The following TTC28 variants were observed in gnomAD, a reference collection of about 807,000 sequenced individuals.
The protein encoded by TTC28 is tetratricopeptide repeat protein 28.
Under a neutral mutation model 198.0 loss-of-function variants are expected in TTC28, and 61 were observed. The observed-to-expected ratio is 0.31, with a 90% confidence interval of 0.25 to 0.38. The LOEUF (loss-of-function observed/expected upper bound fraction) is 0.38. Among genes scored for constraint, TTC28 ranks in the 10% least tolerant of loss-of-function variants. The pLI is 1.00. For missense variants in TTC28, 2,678 were observed against 3,164.0 expected (o/e 0.85, Z 3.69); for synonymous variants, 1,171 against 1,297.8 (o/e 0.90, Z 2.10).
chr22:28,528,764 A>G (rs552704635), intron 2 of TTC28, among the ~76,000 whole-genome samples: 23 of 151,502 alleles, frequency 1.5e-4, no homozygotes, highest in Non-Finnish European at 2.1e-4. Context: ...AAAGGAAAAG[A>G]AAAGAATGAA....
intron 6 of TTC28, among the ~76,000 whole-genome samples, chr22:28,154,526 T>G (rs528312525): frequency 6.6e-6 from 1 of 152,094 alleles, no homozygotes; most frequent in Non-Finnish European, 1.5e-5. Context: ...AATTTTTTCT[T>G]TTTATATTTT....
At chr22:28,385,735 T>C (rs935759407) in intron 2 of TTC28, among the ~76,000 whole-genome samples, 8 of 152,124 alleles carry the variant, frequency 5.3e-5, no homozygotes, top group African/African-American at 1.9e-4. Context: ...AATTATTTAG[T>C]CTGATATTTA....
At chr22:28,627,374 G>C (rs1486550613) in intron 2 of TTC28, among the ~76,000 whole-genome samples, 1 of 151,644 alleles carries the variant, frequency 6.6e-6, no homozygotes, top group East Asian at 1.9e-4. Flanking sequence ...GTGAACCTAG[G>C]TTTATGCTTT....
intron 2 of TTC28, among the ~76,000 whole-genome samples, chr22:28,486,845 T>C (rs1309308347): frequency 1.3e-5 from 2 of 152,308 alleles, no homozygotes; most frequent in East Asian, 1.9e-4. Context: ...TTAAAGATCA[T>C]TATGACATAA....
At chr22:27,984,370 A>G (rs548187378) in intron 22 of TTC28, among the ~76,000 whole-genome samples, 2 of 152,164 alleles carry the variant, frequency 1.3e-5, no homozygotes, top group East Asian at 3.9e-4. Flanking sequence ...AAGGTCACCA[A>G]TGAGGTCCAC....
chr22:28,550,057 T>A (rs900304007), intron 2 of TTC28, among the ~76,000 whole-genome samples: 1 of 152,158 alleles, frequency 6.6e-6, no homozygotes, highest in Non-Finnish European at 1.5e-5. Flanking sequence ...ATTTTCTCTA[T>A]GACTGTTTAG....
chr22:28,371,338 C>T (rs1001564620), intron 2 of TTC28, among the ~76,000 whole-genome samples: 14 of 147,862 alleles, frequency 9.5e-5, no homozygotes, highest in Non-Finnish European at 1.8e-4. Flanking sequence ...GGCAAAACCC[C>T]AGTACTACCA....
In TTC28 at chr22:27,999,063, C is replaced by A. The variant is rs1005861081; in HGVS notation, c.4596G>T (p.Arg1532Ser). 1 of 1,550,416 alleles carries A rather than the reference C, an allele frequency of 6.4e-7. No homozygotes were observed. Among genetic ancestry groups the A allele is most frequent in the African/African-American group, 1.4e-5 (1 of 73,178 alleles). The change falls in exon 16 of 23, where the codon AGG becomes AGT. Residue 1532 changes from arginine to serine, a missense_variant. Arg to Ser is a moderately radical substitution (Grantham distance 110, BLOSUM62 -1). Transcript: ENST00000397906. ...PLVGSVATKERVMSALTQAEC... is the reference protein window; with the variant it reads ...PLVGSVATKESVMSALTQAEC... ...CAGCCTGGGTCAGGGCACTCATGAC[C>A]CTCTCCTTGGTGGCCACACTGCCCA...
At chr22:28,625,244 G>T (rs1041178078) in intron 2 of TTC28, among the ~76,000 whole-genome samples, 2 of 152,022 alleles carry the variant, frequency 1.3e-5, no homozygotes, top group African/African-American at 4.8e-5. Flanking sequence ...GAAAGAAAAG[G>T]CATACACAAA....
intron 12 of TTC28, among the ~76,000 whole-genome samples, chr22:28,042,899 T>C (rs1338786351): frequency 6.6e-6 from 1 of 152,052 alleles, no homozygotes; most frequent in Non-Finnish European, 1.5e-5. Context: ...GAAGGGGCAG[T>C]GTAGTAGACA....
At chr22:28,443,492 A>G (rs1464423645) in intron 2 of TTC28, among the ~76,000 whole-genome samples, 1 of 152,202 alleles carries the variant, frequency 6.6e-6, no homozygotes, top group Non-Finnish European at 1.5e-5. Flanking sequence ...ATAACTTGGG[A>G]AAAGGATCTG....
intron 2 of TTC28, among the ~76,000 whole-genome samples, chr22:28,474,953 C>T (rs1269221154): frequency 6.6e-6 from 1 of 151,294 alleles, no homozygotes; most frequent in Non-Finnish European, 1.5e-5. Flanking sequence ...CATTAATATC[C>T]TCAAGGATAA....
In TTC28 at chr22:28,294,222, A is replaced by T. The variant is rs117994642; in HGVS notation, c.933+1976T>A. On this transcript the variant is annotated intron_variant, in intron 5 of 22. Transcript: ENST00000397906. ...TTAGAAGTGACTATGGTAGGTGGCA[A>T]ACCTAAGATGGGTAGGTTTGGGGAA... is the stretch of plus-strand genomic sequence containing the variant. Among the ~76,000 whole-genome samples, 38 of 152,262 alleles carry T rather than the reference A, an allele frequency of 2.5e-4. No homozygotes were observed. The East Asian group carries it at 7.2e-3, about 29-fold the overall frequency.
At chr22:28,265,091 T>C (rs1353051006) in intron 5 of TTC28, among the ~76,000 whole-genome samples, 1 of 152,170 alleles carries the variant, frequency 6.6e-6, no homozygotes. Context: ...ACTTCACAAA[T>C]ATCCTGGAAG....
intron 5 of TTC28, among the ~76,000 whole-genome samples, chr22:28,294,735 AT>A (rs1275134182): frequency 1.3e-5 from 2 of 151,726 alleles, no homozygotes; most frequent in African/African-American, 4.8e-5. Flanking sequence ...CACCCAGCTA[AT>A]TTTTGTATTT....
At chr22:28,247,596 GCA>G (rs2147266554) in intron 5 of TTC28, among the ~76,000 whole-genome samples, 1 of 152,284 alleles carries the variant, frequency 6.6e-6, no homozygotes, top group East Asian at 1.9e-4. Context: ...CATTCTCTGA[GCA>G]CACAGAGGAT....
intron 2 of TTC28, among the ~76,000 whole-genome samples, chr22:28,431,721 T>C (rs567751739): frequency 3.8e-4 from 58 of 152,322 alleles, no homozygotes; most frequent in African/African-American, 1.3e-3. Context: ...CGCACGCCTG[T>C]AATCCCAGCA....
chr22:28,353,777 C>A (rs947854327), intron 2 of TTC28, among the ~76,000 whole-genome samples: 1 of 151,990 alleles, frequency 6.6e-6, no homozygotes, highest in African/African-American at 2.4e-5. Context: ...AAATCATATA[C>A]CTGATAAGAG....
chr22:28,233,527 T>TA (rs1437185374), intron 5 of TTC28, among the ~76,000 whole-genome samples: 1 of 152,112 alleles, frequency 6.6e-6, no homozygotes, highest in Admixed American at 6.6e-5. Context: ...AATAAAATGA[T>TA]AAAAAATAAC....
Sources: allele counts gnomAD v4.1 joint callset (sites outside exome capture counted in the v4.1 genomes callset), GRCh38; gene constraint gnomAD v4.1.1; transcripts MANE v1.5; gene names NCBI Gene and HGNC (gene_info 2026-07-23, HGNC 2026-07-21).